Variants in SPMIP7 observed in about 807,000 individuals in gnomAD.
The protein encoded by SPMIP7 is sperm microtubule inner protein 7.
the SPMIP7 span, chr7:50,151,464 C>T: frequency 6.4e-7 from 1 of 1,550,874 alleles, no homozygotes; most frequent in Middle Eastern, 1.7e-4. Flanking sequence ...GCAAATATTC[C>T]AGGATATACC....
chr7:50,134,252 C>A, the SPMIP7 span: 1 of 1,529,990 alleles, frequency 6.5e-7, no homozygotes, highest in Admixed American at 2.2e-5. Flanking sequence ...CTCAGGTCAG[C>A]AGACTTCTCT....
At chr7:50,114,039 T>C in the SPMIP7 span, among the ~76,000 whole-genome samples, 1 of 151,892 alleles carries the variant, frequency 6.6e-6, no homozygotes, top group African/African-American at 2.4e-5. Flanking sequence ...CAAATAACAA[T>C]AAACTAAGAA....
the SPMIP7 span, among the ~76,000 whole-genome samples, chr7:50,157,693 A>G: frequency 6.6e-6 from 1 of 152,174 alleles, no homozygotes; most frequent in African/African-American, 2.4e-5. Context: ...TAATACAAGC[A>G]CTGCATTGTG....
At chr7:50,103,853 A>G in the SPMIP7 span, among the ~76,000 whole-genome samples, 1 of 152,202 alleles carries the variant, frequency 6.6e-6, no homozygotes, top group African/African-American at 2.4e-5. Flanking sequence ...TTGCTTATGG[A>G]CACCTCAAAA....
the SPMIP7 span, among the ~76,000 whole-genome samples, chr7:50,158,024 A>G: frequency 6.6e-6 from 1 of 152,206 alleles, no homozygotes; most frequent in Admixed American, 6.5e-5. Context: ...ACTTAAATAC[A>G]CTGGCAGAGC....
At chr7:50,152,580 T>C in the SPMIP7 span, among the ~76,000 whole-genome samples, 1 of 152,182 alleles carries the variant, frequency 6.6e-6, no homozygotes, top group African/African-American at 2.4e-5. Context: ...GAAGGCAGAC[T>C]AGAGGGACGG....
chr7:50,117,339 A>C, the SPMIP7 span: 1 of 425,426 alleles, frequency 2.4e-6, no homozygotes, highest in Non-Finnish European at 4.7e-6. Flanking sequence ...AATTGTTTAA[A>C]AGCGGTAGCA....
chr7:50,129,684 G>T, the SPMIP7 span: 3 of 1,331,400 alleles, frequency 2.3e-6, no homozygotes, highest in Admixed American at 2.1e-5. Context: ...ATTTATATTT[G>T]GTCTCTTTTA....
the SPMIP7 span, among the ~76,000 whole-genome samples, chr7:50,115,233 T>C: frequency 1.6e-4 from 25 of 152,056 alleles, no homozygotes; most frequent in Admixed American, 5.9e-4. Context: ...TATTTTACAA[T>C]AGGAAAGGGA....
chr7:50,114,246 T>C, the SPMIP7 span, among the ~76,000 whole-genome samples: 1 of 152,084 alleles, frequency 6.6e-6, no homozygotes, highest in South Asian at 2.1e-4. Flanking sequence ...TATGGGTAAA[T>C]ATAAAATACT....
the SPMIP7 span, chr7:50,096,560 C>A: frequency 2.4e-4 from 375 of 1,551,974 alleles, 3 homozygotes; most frequent in East Asian, 8.5e-3. Flanking sequence ...GCAAAAAATT[C>A]TATCAGAAGA....
the SPMIP7 span, among the ~76,000 whole-genome samples, chr7:50,146,557 T>C: frequency 1.3e-5 from 2 of 152,226 alleles, no homozygotes; most frequent in African/African-American, 4.8e-5. Context: ...CTTATGATAT[T>C]CAGAAAAATG....
the SPMIP7 span, among the ~76,000 whole-genome samples, chr7:50,134,640 T>C: frequency 1.3e-5 from 2 of 152,312 alleles, no homozygotes; most frequent in East Asian, 3.9e-4. Flanking sequence ...AGGATCTAGA[T>C]CTTAGCTCTG....
At chr7:50,134,095 A>G in the SPMIP7 span, 3 of 1,527,016 alleles carry the variant, frequency 2.0e-6, no homozygotes, top group African/African-American at 1.4e-5. Flanking sequence ...GTTCCTATTT[A>G]ATAACTTCAT....
chr7:50,123,073 A>G, the SPMIP7 span, among the ~76,000 whole-genome samples: 1 of 140,544 alleles, frequency 7.1e-6, no homozygotes, highest in Admixed American at 7.2e-5. Context: ...CTGGGTATAT[A>G]CCTAAAGGGC....
chr7:50,148,153 C>A, the SPMIP7 span, among the ~76,000 whole-genome samples: 3 of 152,086 alleles, frequency 2.0e-5, no homozygotes, highest in African/African-American at 7.2e-5. Context: ...GCCATATGTG[C>A]CAGGGTTAAA....
the SPMIP7 span, among the ~76,000 whole-genome samples, chr7:50,119,233 AG>A: frequency 2.2e-3 from 328 of 152,232 alleles, 4 homozygotes; most frequent in Non-Finnish European, 2.9e-4. Context: ...AAAGCTCAAA[AG>A]GGCCCCTCCA....
chr7:50,097,781 A>C, the SPMIP7 span, among the ~76,000 whole-genome samples: 1 of 152,046 alleles, frequency 6.6e-6, no homozygotes, highest in Non-Finnish European at 1.5e-5. Flanking sequence ...TAAATGTCAG[A>C]TTGTAAGAAG....
chr7:50,158,548 G>C, the SPMIP7 span, among the ~76,000 whole-genome samples: 2 of 148,418 alleles, frequency 1.3e-5, no homozygotes, highest in Non-Finnish European at 3.0e-5. Flanking sequence ...GTCTCCTCTT[G>C]GCCGCTGGGT....
Sources: gnomAD v4.1 joint callset for allele counts (sites outside exome capture counted in the v4.1 genomes callset) on GRCh38, gnomAD v4.1.1 for gene constraint, MANE v1.5 for transcripts, NCBI Gene and HGNC (gene_info 2026-07-23, HGNC 2026-07-21) for gene names.